The following KDM4C variants were observed in gnomAD, a reference collection of about 807,000 sequenced individuals.
The protein encoded by KDM4C is lysine-specific demethylase 4C.
In KDM4C, 81 loss-of-function variants were observed where a neutral mutation model predicts 129.3. The ratio of observed to expected loss-of-function variants is 0.63; its 90% CI spans 0.52 to 0.75. The LOEUF (loss-of-function observed/expected upper bound fraction) is 0.75. KDM4C is among the 30% of genes least tolerant of loss of function. The pLI is 0.00. For synonymous variants in KDM4C, 573 were observed against 456.1 expected, an observed-to-expected ratio of 1.26 and a Z score of -3.26; for missense variants, 1,457 against 1,304.0, an observed-to-expected ratio of 1.12 and a Z score of -1.81.
intron 2 of KDM4C, among the ~76,000 whole-genome samples, chr9:6,798,253 T>C (rs1217904743): frequency 6.8e-5 from 3 of 43,952 alleles, no homozygotes; most frequent in Non-Finnish European, 1.3e-4. Flanking sequence ...TTTTTCTTTC[T>C]TTCTTTTTTT....
chr9:6,886,685 G>A (rs1407429565), intron 6 of KDM4C, among the ~76,000 whole-genome samples: 1 of 151,850 alleles, frequency 6.6e-6, no homozygotes, highest in Non-Finnish European at 1.5e-5. Context: ...GTAGAGACGG[G>A]GTTTTACCAT....
intron 1 of KDM4C, among the ~76,000 whole-genome samples, chr9:6,770,046 G>A (rs778986928): frequency 2.0e-5 from 3 of 152,078 alleles, no homozygotes; most frequent in Non-Finnish European, 4.4e-5. Context: ...GGGCATGGTG[G>A]GGCATGCCTG....
intron 18 of KDM4C, among the ~76,000 whole-genome samples, chr9:7,126,074 T>C (rs1261297637): frequency 6.6e-6 from 1 of 152,212 alleles, no homozygotes; most frequent in Non-Finnish European, 1.5e-5. Flanking sequence ...GCACTTAATA[T>C]GTGCCAATCA....
intron 1 of KDM4C, 85 bp from the exon 2 acceptor site, chr9:6,792,887 C>T (rs1826961731): frequency 1.5e-6 from 2 of 1,329,924 alleles, no homozygotes; most frequent in Non-Finnish European, 2.1e-6. Context: ...AGGGTTCCTG[C>T]TGGGGGAGCT....
At chr9:6,804,961 C>A (rs1455662632) in intron 2 of KDM4C, among the ~76,000 whole-genome samples, 1 of 151,698 alleles carries the variant, frequency 6.6e-6, no homozygotes, top group Non-Finnish European at 1.5e-5. Flanking sequence ...AGTGCAGTGG[C>A]GCGATCTCAG....
chr9:6,856,948 G>A (rs1399567343), intron 5 of KDM4C, among the ~76,000 whole-genome samples: 1 of 151,846 alleles, frequency 6.6e-6, no homozygotes, highest in Non-Finnish European at 1.5e-5. Flanking sequence ...TAGTAGAGAC[G>A]GGGTTTCACC....
chr9:7,146,691 T>C (rs533780834), intron 19 of KDM4C, among the ~76,000 whole-genome samples: 2 of 152,340 alleles, frequency 1.3e-5, no homozygotes, highest in East Asian at 3.9e-4. Context: ...TGCTTGAAAA[T>C]TCCCAGGTAA....
Position 6,990,531 on chromosome 9 carries a change from T to A in KDM4C, c.1786+7T>A. ...CAGGCGCCAAGTGATGAAGGTGAGA[T>A]GGTGACCCTTTTTGGGATTTTTTTT... is the stretch of plus-strand genomic sequence containing the variant. On this transcript the variant is annotated splice_region_variant and intron_variant, in intron 12 of 21. Coordinates refer to ENST00000381309, the MANE Select transcript of KDM4C (RefSeq NM_015061.6). 1.3e-6 allele frequency: 2 copies of A among 1,546,572 alleles called. No individual in the cohort carries two copies. Among genetic ancestry groups the A allele is most frequent in the Non-Finnish European group, 1.7e-6 (2 of 1,147,552 alleles).
intron 4 of KDM4C, among the ~76,000 whole-genome samples, chr9:6,828,735 G>T (rs1834308720): frequency 6.6e-6 from 1 of 151,960 alleles, no homozygotes; most frequent in Non-Finnish European, 1.5e-5. Flanking sequence ...GCCGGGCGTG[G>T]TGACACATGC....
intron 15 of KDM4C, among the ~76,000 whole-genome samples, chr9:7,034,995 G>A (rs1827383926): frequency 6.6e-6 from 1 of 151,862 alleles, no homozygotes; most frequent in African/African-American, 2.4e-5. Flanking sequence ...CAGATCATTT[G>A]CCCATTCTTT....
chr9:6,769,688 C>G (rs1821355228), intron 1 of KDM4C, among the ~76,000 whole-genome samples: 1 of 152,118 alleles, frequency 6.6e-6, no homozygotes, highest in South Asian at 2.1e-4. Context: ...GAGGATAGAT[C>G]TCAATATCAT....
At chr9:6,909,472 G>T (rs1818890762) in intron 8 of KDM4C, among the ~76,000 whole-genome samples, 1 of 152,200 alleles carries the variant, frequency 6.6e-6, no homozygotes, top group South Asian at 2.1e-4. Flanking sequence ...ATTTGATTTT[G>T]TGAACTCAAG....
chr9:6,940,031 T>TTCCTTCCTTCCTTCCTTCCTTCCC (rs1825631588), intron 8 of KDM4C, among the ~76,000 whole-genome samples: 1 of 126,194 alleles, frequency 7.9e-6, no homozygotes, highest in African/African-American at 3.2e-5. Flanking sequence ...CCTTCCTTCC[T>TTCCTTCCTTCCTTCCTTCCTTCCC]TCTTTCCTTC....
chr9:7,112,490 G>A (rs1838438802), intron 18 of KDM4C, among the ~76,000 whole-genome samples: 1 of 152,172 alleles, frequency 6.6e-6, no homozygotes, highest in Admixed American at 6.5e-5. Flanking sequence ...TTTGGAGGTG[G>A]AATTATAGGC....
intron 8 of KDM4C, among the ~76,000 whole-genome samples, chr9:6,946,944 T>C (rs897986693): frequency 2.8e-4 from 42 of 152,162 alleles, no homozygotes; most frequent in African/African-American, 9.7e-4. Flanking sequence ...ATTTGCTTCT[T>C]GGCCAGATCC....
At chr9:6,861,674 T>C (rs1840948412) in intron 5 of KDM4C, among the ~76,000 whole-genome samples, 1 of 152,212 alleles carries the variant, frequency 6.6e-6, no homozygotes, top group African/African-American at 2.4e-5. Flanking sequence ...CAGTGACTTA[T>C]TATTTGTGTG....
intron 8 of KDM4C, among the ~76,000 whole-genome samples, chr9:6,943,168 T>C (rs183922045): frequency 2.6e-4 from 39 of 152,300 alleles, no homozygotes; most frequent in East Asian, 5.8e-4. Flanking sequence ...GTACTGAGCC[T>C]GGCCTCTGAT....
chr9:6,928,853 G>T (rs925647887), intron 8 of KDM4C, among the ~76,000 whole-genome samples: 3 of 152,160 alleles, frequency 2.0e-5, no homozygotes, highest in Non-Finnish European at 4.4e-5. Context: ...GTTTCCCTAT[G>T]GAAGTAGTGT....
At chr9:6,889,633 T>G (rs1019067724) in intron 7 of KDM4C, among the ~76,000 whole-genome samples, 1 of 152,206 alleles carries the variant, frequency 6.6e-6, no homozygotes, top group Non-Finnish European at 1.5e-5. Flanking sequence ...ATCCAGTGCT[T>G]CTTTTAAGTA....
Sources: gnomAD v4.1 joint callset for allele counts (sites outside exome capture counted in the v4.1 genomes callset) on GRCh38, gnomAD v4.1.1 for gene constraint, MANE v1.5 for transcripts, NCBI Gene and HGNC (gene_info 2026-07-23, HGNC 2026-07-21) for gene names.